The following SYT16 variants were observed in gnomAD, a reference collection of about 807,000 sequenced individuals.
SYT16 encodes synaptotagmin 16.
In SYT16, 42 loss-of-function variants were observed where a neutral mutation model predicts 61.4. The observed-to-expected ratio is 0.68, with a 90% CI of 0.53 to 0.89. The LOEUF is 0.89. Among genes scored for constraint, SYT16 ranks in the 40% least tolerant of loss-of-function variants. The pLI, the probability that SYT16 is intolerant of heterozygous loss-of-function variation, is 0.00. For synonymous variants in SYT16, 314 were observed against 302.3 expected (o/e 1.04, Z -0.40); for missense variants, 804 against 807.3 (o/e 1.00, Z 0.05).
intron 3 of SYT16, among the ~76,000 whole-genome samples, chr14:62,026,121 G>A (rs1436670397): frequency 1.3e-5 from 2 of 152,074 alleles, no homozygotes; most frequent in African/African-American, 4.8e-5. Context: ...TCAAAGTTTG[G>A]AGTAGCTCTT....
intron 3 of SYT16, among the ~76,000 whole-genome samples, chr14:62,011,968 G>T: frequency 7.2e-6 from 1 of 138,574 alleles, no homozygotes; most frequent in African/African-American, 3.0e-5. Flanking sequence ...ATCTGTCACT[G>T]CTGATTTAGA....
chr14:61,838,831 A>C (rs2140248561), intron 1 of SYT16, among the ~76,000 whole-genome samples: 1 of 152,330 alleles, frequency 6.6e-6, no homozygotes, highest in South Asian at 2.1e-4. Flanking sequence ...GAAAGTACAA[A>C]TTAATATCTC....
intron 3 of SYT16, among the ~76,000 whole-genome samples, chr14:62,001,880 T>C (rs376025034): frequency 6.6e-5 from 10 of 152,226 alleles, no homozygotes; most frequent in South Asian, 2.1e-4. Flanking sequence ...AAAGCCTTTT[T>C]TATTTTTGTT....
chr14:62,042,164 T>G (rs2054758767), intron 3 of SYT16, among the ~76,000 whole-genome samples: 1 of 152,108 alleles, frequency 6.6e-6, no homozygotes, highest in South Asian at 2.1e-4. Flanking sequence ...CCTAAAATTT[T>G]TTTTCTTTTG....
chr14:62,045,967 C>T (rs1296296614), intron 3 of SYT16, among the ~76,000 whole-genome samples: 1 of 152,114 alleles, frequency 6.6e-6, no homozygotes, highest in African/African-American at 2.4e-5. Flanking sequence ...GGTATATACC[C>T]AGTAATGGGA....
At chr14:62,090,106 G>C (rs1454832630) in intron 7 of SYT16, among the ~76,000 whole-genome samples, 2 of 152,192 alleles carry the variant, frequency 1.3e-5, no homozygotes, top group African/African-American at 4.8e-5. Flanking sequence ...TTTCAAAAAA[G>C]TTAGGTATTG....
At position 61,875,546 on chromosome 14, in the gene SYT16, G is replaced by C. The variant is rs1317866488; in HGVS notation, c.-325+62736G>C. Reference sequence around the variant, plus strand: ...GGTTGTGGCAATAAACACCAGTGCTGGTTGATTTAAGCAGCAAATGAATTG... The same window carrying C: ...GGTTGTGGCAATAAACACCAGTGCTCGTTGATTTAAGCAGCAAATGAATTG... On this transcript the variant is annotated intron_variant, in intron 1 of 7. Coordinates refer to ENST00000683842, the MANE Select transcript of SYT16 (RefSeq NM_001367656.1). 2.6e-5 allele frequency among the ~76,000 whole-genome samples: 4 copies of C among 152,178 alleles called. 1 individual carries two copies. Among genetic ancestry groups the C allele is most frequent in the Non-Finnish European group, 5.9e-5 (4 of 68,028 alleles).
At chr14:61,862,969 C>A (rs185082172) in intron 1 of SYT16, among the ~76,000 whole-genome samples, 1 of 152,114 alleles carries the variant, frequency 6.6e-6, no homozygotes, top group Admixed American at 6.5e-5. Context: ...TTTTTAGCAC[C>A]GAATAATGTT....
chr14:62,008,186 C>G (rs916030875), intron 3 of SYT16, among the ~76,000 whole-genome samples: 4 of 151,938 alleles, frequency 2.6e-5, no homozygotes, highest in Non-Finnish European at 4.4e-5. Context: ...AATCTCCTTT[C>G]TTTCTTCGCT....
intron 1 of SYT16, among the ~76,000 whole-genome samples, chr14:61,820,379 T>TC (rs1491355055): frequency 2.0e-5 from 3 of 151,482 alleles, no homozygotes; most frequent in Admixed American, 6.6e-5. Flanking sequence ...CATTTGGCGA[T>TC]CTCTCTGGGC....
intron 3 of SYT16, among the ~76,000 whole-genome samples, chr14:62,055,985 G>C (rs985647945): frequency 6.6e-6 from 1 of 151,894 alleles, no homozygotes; most frequent in African/African-American, 2.4e-5. Context: ...AGGGAAGGAA[G>C]CATTCAGTGT....
chr14:62,004,498 T>G (rs2053147027), intron 3 of SYT16, among the ~76,000 whole-genome samples: 1 of 152,084 alleles, frequency 6.6e-6, no homozygotes, highest in Non-Finnish European at 1.5e-5. Context: ...AAGATCTTAA[T>G]CAAGGGTAGC....
At chr14:61,855,294 T>C (rs1260605858) in intron 1 of SYT16, among the ~76,000 whole-genome samples, 1 of 152,200 alleles carries the variant, frequency 6.6e-6, no homozygotes, top group East Asian at 1.9e-4. Context: ...TGCATGGAAC[T>C]ACAGATGTAT....
chr14:61,970,404 A>G (rs1428959478), intron 2 of SYT16, 93 bp downstream of exon 2: 4 of 152,212 alleles, frequency 2.6e-5, no homozygotes, highest in African/African-American at 7.2e-5. Context: ...TAAAGAATAC[A>G]TTATCTTTAT....
chr14:62,111,947 C>T lies in SYT16; in HGVS notation c.*11240C>T, dbSNP rs943159033. The stretch of plus-strand genomic sequence containing the variant: ...CACTAGCTGTTACCAGAACAAACAG[C>T]TGTAGAATGTAATGACCCATCCTAT... On this transcript the variant is annotated 3_prime_UTR_variant, in exon 8 of 8. Transcript: ENST00000683842. 2 of 152,088 alleles carry T rather than the reference C, an allele frequency of 1.3e-5. No homozygotes were observed. The highest frequency in any genetic ancestry group is 2.4e-5 in the African/African-American group (1 of 41,418). The allele number at this position is 152,088 out of a possible 1,614,324, so 9.4% of individuals were successfully genotyped here.
chr14:61,850,195 T>G (rs1434088446), intron 1 of SYT16, among the ~76,000 whole-genome samples: 1 of 151,760 alleles, frequency 6.6e-6, no homozygotes, highest in East Asian at 1.9e-4. Context: ...AGTGCAATGG[T>G]GTGATCTCGG....
At chr14:61,829,995 C>G (rs936206549) in intron 1 of SYT16, among the ~76,000 whole-genome samples, 1 of 152,052 alleles carries the variant, frequency 6.6e-6, no homozygotes, top group Admixed American at 6.6e-5. Flanking sequence ...TTTCCTCTGT[C>G]AATTCTCTTC....
In SYT16 at chr14:62,110,020, G is replaced by C. The variant is rs538836818; in HGVS notation, c.*9313G>C. 3.9e-5 allele frequency: 6 copies of C among 152,160 alleles called. No homozygotes were observed. Among genetic ancestry groups the C allele is most frequent in the Non-Finnish European group, 8.8e-5 (6 of 68,016 alleles). 9.4% of individuals were successfully genotyped at this position (152,160 alleles called of 1,614,324 possible). On this transcript the variant is annotated 3_prime_UTR_variant, in exon 8 of 8. Transcript: ENST00000683842. ...GAAAGAAAACACTGATAGTCACTCT[G>C]GGTGAAGGGGGAGGCCTGGCCAATG...
At chr14:62,090,816 A>G (rs1485656138) in intron 7 of SYT16, among the ~76,000 whole-genome samples, 1 of 152,226 alleles carries the variant, frequency 6.6e-6, no homozygotes, top group Non-Finnish European at 1.5e-5. Flanking sequence ...GTGGACTCAC[A>G]GTTCCACGTG....
Sources: allele counts gnomAD v4.1 joint callset (sites outside exome capture counted in the v4.1 genomes callset), GRCh38; gene constraint gnomAD v4.1.1; transcripts MANE v1.5; gene names NCBI Gene and HGNC (gene_info 2026-07-23, HGNC 2026-07-21).